The following RNF216 variants were observed in gnomAD, a reference collection of about 807,000 sequenced individuals.
The protein encoded by RNF216 is E3 ubiquitin-protein ligase RNF216.
A neutral mutation model predicts 110.8 loss-of-function variants in RNF216; 72 were observed. The observed-to-expected ratio is 0.65, with a 90% confidence interval of 0.54 to 0.79. RNF216 has a LOEUF of 0.79. RNF216 is among the 30% of genes least tolerant of loss of function. The pLI is 0.00. For missense variants in RNF216, 1,342 were observed against 1,141.2 expected (o/e 1.18, Z -2.54); for synonymous variants, 495 against 407.5 (o/e 1.21, Z -2.59).
intron 13 of RNF216, among the ~76,000 whole-genome samples, chr7:5,684,912 G>A (rs1790882165): frequency 6.6e-6 from 1 of 151,936 alleles, no homozygotes; most frequent in Non-Finnish European, 1.5e-5. Context: ...GGGGGCTGGG[G>A]GTGGGGTGGG....
chr7:5,746,732 T>C (rs144778068), intron 3 of RNF216, among the ~76,000 whole-genome samples: 60 of 152,306 alleles, frequency 3.9e-4, no homozygotes, highest in African/African-American at 1.2e-3. Flanking sequence ...CCTTTTCATG[T>C]ATAAAACTTC....
intron 5 of RNF216, among the ~76,000 whole-genome samples, chr7:5,736,627 G>C (rs1260208876): frequency 6.6e-6 from 1 of 150,418 alleles, no homozygotes; most frequent in African/African-American, 2.5e-5. Context: ...CCCAGTCTGG[G>C]AAGTGAGGAG....
chr7:5,684,902 G>A (rs1188367785), intron 13 of RNF216, among the ~76,000 whole-genome samples: 2 of 152,008 alleles, frequency 1.3e-5, no homozygotes, highest in Non-Finnish European at 2.9e-5. Context: ...GTCCTGCATG[G>A]GGGGCTGGGG....
At chr7:5,749,483 T>TA (rs144350155) in intron 3 of RNF216, among the ~76,000 whole-genome samples, 1,795 of 152,214 alleles carry the variant, frequency 0.012, 32 homozygotes, top group African/African-American at 0.04. Context: ...CAAGATTAGA[T>TA]AAAGTTCCTA....
chr7:5,755,561 G>A (rs180753553), intron 2 of RNF216, among the ~76,000 whole-genome samples: 1 of 152,280 alleles, frequency 6.6e-6, no homozygotes, highest in Non-Finnish European at 1.5e-5. Context: ...GCGCAGATAA[G>A]TTTTGCATGT....
At chr7:5,665,197 T>C (rs1789429082) in intron 13 of RNF216, among the ~76,000 whole-genome samples, 1 of 152,174 alleles carries the variant, frequency 6.6e-6, no homozygotes, top group Non-Finnish European at 1.5e-5. Flanking sequence ...AGGGGATTCC[T>C]CTCTATCCTC....
At chr7:5,781,454 G>A (rs528441930) in intron 1 of RNF216, 87 bp downstream of exon 1, 1 of 116,012 alleles carries the variant, frequency 8.6e-6, no homozygotes, top group Non-Finnish European at 1.8e-5. Context: ...CCCACCCCCG[G>A]AGCTCCACAG....
intron 3 of RNF216, among the ~76,000 whole-genome samples, chr7:5,749,001 C>T (rs946348982): frequency 6.6e-6 from 1 of 151,952 alleles, no homozygotes; most frequent in African/African-American, 2.4e-5. Flanking sequence ...CTCTGATAAT[C>T]GGTTTAAGGA....
chr7:5,709,325 C>T (rs548910701), intron 13 of RNF216, among the ~76,000 whole-genome samples: 1 of 152,332 alleles, frequency 6.6e-6, no homozygotes, highest in Admixed American at 6.5e-5. Flanking sequence ...CTCCCAATCA[C>T]ATGGTGCTGT....
chr7:5,642,813 G>A lies in RNF216; in HGVS notation c.2160-1437C>T, dbSNP rs549800411. 2.6e-5 allele frequency among the ~76,000 whole-genome samples: 4 copies of A among 152,296 alleles called. No homozygotes were observed. In the East Asian group the frequency reaches 5.8e-4, roughly 22 times the overall value. ...GTTCTAATGAAAAACTTTTCAATTT[G>A]AAAAGCTATGTGCCCAAACACAACT... On this transcript the variant is annotated intron_variant, in intron 14 of 16. Coordinates refer to ENST00000389902, the MANE Select transcript of RNF216 (RefSeq NM_207111.4).
At chr7:5,778,441 C>G (rs1000002970) in intron 1 of RNF216, among the ~76,000 whole-genome samples, 2 of 152,276 alleles carry the variant, frequency 1.3e-5, no homozygotes, top group Middle Eastern at 3.4e-3. Context: ...AAAGTACTTC[C>G]AACAATACTT....
intron 13 of RNF216, among the ~76,000 whole-genome samples, chr7:5,660,041 A>ACCTCC (rs1789003138): frequency 6.8e-6 from 1 of 146,746 alleles, no homozygotes; most frequent in Non-Finnish European, 1.5e-5. Context: ...TATAACCTTG[A>ACCTCC]CCTCCTGGGT....
At chr7:5,733,665 A>AC (rs1227734135) in intron 5 of RNF216, among the ~76,000 whole-genome samples, 3 of 71,518 alleles carry the variant, frequency 4.2e-5, no homozygotes, top group African/African-American at 1.1e-4. Context: ...ACATTAACCA[A>AC]AAAAAAAAAA....
Position 5,715,369 on chromosome 7 carries a change from T to G in RNF216, c.1696-179A>C, listed in dbSNP as rs190641851. ...GCTATATAAATCTAGCTCAAGATAC[T>G]AACACAGTATTAATCCATACCTAAA... On this transcript the variant is annotated intron_variant, in intron 10 of 16. Transcript: ENST00000389902. 2.6e-5 allele frequency among the ~76,000 whole-genome samples: 4 copies of G among 152,322 alleles called. No individual in the cohort carries two copies. In the East Asian group the frequency reaches 7.7e-4, roughly 29 times the overall value.
chr7:5,732,405 C>T (rs1350440133), intron 5 of RNF216, among the ~76,000 whole-genome samples: 3 of 152,148 alleles, frequency 2.0e-5, no homozygotes, highest in Admixed American at 2.0e-4. Flanking sequence ...TACATAAATA[C>T]ACCTCTACAT....
intron 5 of RNF216, 123 bp from the exon 6 acceptor site, chr7:5,730,940 T>G: frequency 7.1e-7 from 1 of 1,403,658 alleles, no homozygotes; most frequent in South Asian, 1.3e-5. Context: ...TATCAAGAAA[T>G]TAAGATGTTT....
At chr7:5,632,436 C>A (rs959657134) in intron 15 of RNF216, among the ~76,000 whole-genome samples, 1 of 152,200 alleles carries the variant, frequency 6.6e-6, no homozygotes, top group African/African-American at 2.4e-5. Flanking sequence ...ATGAGCAAGG[C>A]CAGGCTGAGG....
At chr7:5,762,628 G>T (rs530444599) in intron 1 of RNF216, among the ~76,000 whole-genome samples, 11 of 151,606 alleles carry the variant, frequency 7.3e-5, no homozygotes, top group African/African-American at 2.7e-4. Context: ...GGAGGCAGAG[G>T]TTGCAGTGAG....
At chr7:5,753,054 G>T in intron 2 of RNF216, 75 bp from the exon 3 acceptor site, 1 of 1,509,960 alleles carries the variant, frequency 6.6e-7, no homozygotes, top group Admixed American at 2.1e-5. Flanking sequence ...TTTCCTGACA[G>T]GGGTACAGCC....
Sources: gnomAD v4.1 joint callset for allele counts (sites outside exome capture counted in the v4.1 genomes callset) on GRCh38, gnomAD v4.1.1 for gene constraint, MANE v1.5 for transcripts, NCBI Gene and HGNC (gene_info 2026-07-23, HGNC 2026-07-21) for gene names.